The following STK3 variants were observed in gnomAD, a reference collection of about 807,000 sequenced individuals.
STK3 encodes serine/threonine kinase 3.
A neutral mutation model predicts 58.0 loss-of-function variants in STK3; 41 were observed. The ratio of observed to expected loss-of-function variants is 0.71; its 90% CI spans 0.55 to 0.92. The LOEUF (loss-of-function observed/expected upper bound fraction) is 0.92, where lower values mean the gene tolerates loss of function less well. STK3 is among the 40% of genes least tolerant of loss of function. The probability of loss-of-function intolerance (pLI) is 0.00; values close to 1 mark genes in which losing one functional copy is unlikely to be tolerated. For synonymous variants in STK3, 170 were observed against 191.0 expected, an observed-to-expected ratio of 0.89 and a Z score of 0.91; for missense variants, 479 against 602.7, an observed-to-expected ratio of 0.79 and a Z score of 2.15.
At chr8:98,576,731 T>C (rs1018207220) in intron 8 of STK3, among the ~76,000 whole-genome samples, 3 of 152,228 alleles carry the variant, frequency 2.0e-5, no homozygotes, top group African/African-American at 7.2e-5. Context: ...TTGTGGTTGA[T>C]GCTGTACCCT....
chr8:98,710,844 A>G (rs1004414999), intron 4 of STK3, among the ~76,000 whole-genome samples: 6 of 152,212 alleles, frequency 3.9e-5, no homozygotes, highest in Non-Finnish European at 8.8e-5. Flanking sequence ...CTGCCTCCTC[A>G]AGTGGGTCAC....
intron 1 of STK3, among the ~76,000 whole-genome samples, chr8:98,939,101 C>A (rs762789594): frequency 4.6e-5 from 7 of 152,012 alleles, no homozygotes; most frequent in Non-Finnish European, 1.0e-4. Context: ...CTTGAAGGTG[C>A]CTTTGGAAAG....
intron 3 of STK3, among the ~76,000 whole-genome samples, chr8:98,403,361 T>A (rs1817963166): frequency 6.6e-6 from 1 of 152,176 alleles, no homozygotes; most frequent in African/African-American, 2.4e-5. Context: ...CCCCCTAAGA[T>A]GGGTGTTCTG....
chr8:98,912,996 C>T (rs1420918051), intron 1 of STK3, among the ~76,000 whole-genome samples: 1 of 152,160 alleles, frequency 6.6e-6, no homozygotes, highest in African/African-American at 2.4e-5. Flanking sequence ...CAGCCTCCAC[C>T]TCCTGGGTTC....
At chr8:98,766,540 C>T (rs1487403103) in intron 3 of STK3, among the ~76,000 whole-genome samples, 1 of 152,150 alleles carries the variant, frequency 6.6e-6, no homozygotes, top group Non-Finnish European at 1.5e-5. Flanking sequence ...GCCTCAGCTT[C>T]CCAAGTAGCT....
At chr8:98,847,946 G>C (rs1157121280) in intron 3 of STK3, among the ~76,000 whole-genome samples, 3 of 152,066 alleles carry the variant, frequency 2.0e-5, no homozygotes, top group Non-Finnish European at 4.4e-5. Context: ...GCTGGTTACA[G>C]ACAGAAAGGG....
At chr8:98,621,496 T>C (rs988646182) in intron 6 of STK3, among the ~76,000 whole-genome samples, 2 of 152,156 alleles carry the variant, frequency 1.3e-5, no homozygotes, top group African/African-American at 4.8e-5. Flanking sequence ...GGGAAAACAT[T>C]CAGTCTTTTA....
intron 7 of STK3, among the ~76,000 whole-genome samples, chr8:98,584,568 T>A (rs1004535897): frequency 6.6e-6 from 1 of 150,978 alleles, no homozygotes; most frequent in Non-Finnish European, 1.5e-5. Flanking sequence ...TACGTGTGCA[T>A]GTGTCTTTAT....
At chr8:98,351,676 T>A in the STK3 span, among the ~76,000 whole-genome samples, 5 of 152,126 alleles carry the variant, frequency 3.3e-5, no homozygotes, top group Non-Finnish European at 7.4e-5. Flanking sequence ...CTCCATTCAC[T>A]GAAAAGGTCT....
chr8:98,639,110 CT>C lies in STK3; in HGVS notation c.685-42942del, dbSNP rs200636934. ...CTAAAAGTTACAATAAGGAGATACA[CT>C]TTTTTTTTTTTTTTTTTGAGCAAGG... On this transcript the variant is annotated intron_variant, in intron 6 of 10. Transcript: ENST00000419617. 4.5e-3 allele frequency among the ~76,000 whole-genome samples: 627 copies of C among 138,466 alleles called. 1 individual carries two copies. Among genetic ancestry groups the C allele is most frequent in the Middle Eastern group, 0.019 (5 of 268 alleles). 90.8% of individuals were successfully genotyped at this position (138,466 alleles called of 152,430 possible). A position where few individuals can be genotyped will look rare whatever the true frequency, so the allele number is the denominator to read the frequency against.
chr8:98,704,410 CTTGA>C, intron 6 of STK3, among the ~76,000 whole-genome samples: 1 of 152,070 alleles, frequency 6.6e-6, no homozygotes, highest in South Asian at 2.1e-4. Context: ...CGAGGCAACA[CTTGA>C]TTAACTGTCC....
At chr8:98,694,985 T>C (rs1824747999) in intron 6 of STK3, among the ~76,000 whole-genome samples, 1 of 152,214 alleles carries the variant, frequency 6.6e-6, no homozygotes, top group African/African-American at 2.4e-5. Flanking sequence ...AAAGTGTTCC[T>C]ATTTCTCCAC....
At chr8:98,904,968 A>C (rs1188298279) in intron 1 of STK3, 2 of 724,886 alleles carry the variant, frequency 2.8e-6, no homozygotes, top group Non-Finnish European at 5.2e-6. Context: ...CGCTGCTGCT[A>C]CTGCCTCGTA....
At chr8:98,497,933 G>A (rs1275515310) in intron 10 of STK3, among the ~76,000 whole-genome samples, 2 of 151,998 alleles carry the variant, frequency 1.3e-5, no homozygotes, top group Non-Finnish European at 2.9e-5. Context: ...TCTTCTCCTA[G>A]GTATACTCAA....
At chr8:98,809,520 A>G (rs188705229) in intron 1 of STK3, among the ~76,000 whole-genome samples, 7 of 152,336 alleles carry the variant, frequency 4.6e-5, no homozygotes, top group Non-Finnish European at 7.3e-5. Context: ...ACTTCCCCAT[A>G]GTCCCGTGTA....
intron 9 of STK3, among the ~76,000 whole-genome samples, chr8:98,533,150 T>C (rs1826296107): frequency 6.6e-6 from 1 of 152,180 alleles, no homozygotes; most frequent in South Asian, 2.1e-4. Flanking sequence ...AATGCTCCTA[T>C]GAATATTGTT....
At chr8:98,785,742 C>T (rs553162536) in intron 1 of STK3, among the ~76,000 whole-genome samples, 1 of 152,108 alleles carries the variant, frequency 6.6e-6, no homozygotes, top group Non-Finnish European at 1.5e-5. Context: ...AACCTGCCAA[C>T]TGAAGTGCAT....
intron 10 of STK3, among the ~76,000 whole-genome samples, chr8:98,482,269 G>A (rs1471383661): frequency 6.6e-6 from 1 of 152,046 alleles, no homozygotes; most frequent in Non-Finnish European, 1.5e-5. Context: ...GAATCCAAAG[G>A]CTGTGATTCC....
In STK3 at chr8:98,739,938, C is replaced by T. The variant is rs905675190; in HGVS notation, c.351+9338G>A. 4.0e-5 allele frequency among the ~76,000 whole-genome samples: 6 copies of T among 151,620 alleles called. No individual in the cohort carries two copies. The East Asian group carries it at 7.7e-4, about 20-fold the overall frequency. On this transcript the variant is annotated intron_variant, in intron 4 of 10. Coordinates refer to ENST00000419617, the MANE Select transcript of STK3 (RefSeq NM_006281.4). ...GCTGAAAGCCAAGGCTCGAGAACTACGTGAAGAATGCAGAAGCCTCAGGAG... is the reference window on the plus strand; with the variant it reads ...GCTGAAAGCCAAGGCTCGAGAACTATGTGAAGAATGCAGAAGCCTCAGGAG...
Sources: gnomAD v4.1 joint callset for allele counts (sites outside exome capture counted in the v4.1 genomes callset) on GRCh38, gnomAD v4.1.1 for gene constraint, MANE v1.5 for transcripts, NCBI Gene and HGNC (gene_info 2026-07-23, HGNC 2026-07-21) for gene names.